The following PRKN variants were observed in gnomAD, a reference collection of about 807,000 sequenced individuals.
The protein encoded by PRKN is E3 ubiquitin-protein ligase parkin.
PRKN carries 56 observed loss-of-function variants against 59.5 expected under a neutral mutation model. The ratio of observed to expected loss-of-function variants is 0.94; its 90% CI spans 0.76 to 1.18. The LOEUF (loss-of-function observed/expected upper bound fraction) is 1.18. Among genes scored for constraint, PRKN ranks in the 50% most tolerant of loss-of-function variants. PRKN has a pLI of 0.00. For missense variants in PRKN, 657 were observed against 596.4 expected, an observed-to-expected ratio of 1.10 and a Z score of -1.06; for synonymous variants, 250 against 222.1, an observed-to-expected ratio of 1.13 and a Z score of -1.12.
At chr6:162,658,440 T>C (rs1778740933) in intron 1 of PRKN, among the ~76,000 whole-genome samples, 1 of 152,048 alleles carries the variant, frequency 6.6e-6, no homozygotes, top group African/African-American at 2.4e-5. Context: ...CGCGGGCAGA[T>C]CACCTGAGGT....
At chr6:162,084,528 G>A (rs1233139556) in intron 4 of PRKN, among the ~76,000 whole-genome samples, 1 of 151,974 alleles carries the variant, frequency 6.6e-6, no homozygotes, top group East Asian at 1.9e-4. Flanking sequence ...TTAAGAACAG[G>A]ACTTATAGGA....
rs1035766730 is a variant in PRKN at position 161,354,007 on chromosome 6, T to G, written c.1286-3796A>C. On this transcript the variant is annotated intron_variant, in intron 11 of 11. Transcript: ENST00000366898. This position sits in a 1 kb window ranked among gnomAD's most constrained non-coding sequence, Gnocchi z 6.7. ...AAGAAGCATGTTGTTTGTTCTACAC[T>G]TAGACCGAATGCCAAAAATTAATAC... 2.6e-5 allele frequency among the ~76,000 whole-genome samples: 4 copies of G among 152,202 alleles called. No homozygotes were observed. Among genetic ancestry groups the G allele is most frequent in the African/African-American group, 9.6e-5 (4 of 41,454 alleles).
chr6:161,365,297 T>C (rs1341994420), intron 10 of PRKN, among the ~76,000 whole-genome samples: 1 of 152,214 alleles, frequency 6.6e-6, no homozygotes, highest in East Asian at 1.9e-4. Context: ...TGCTAAACTC[T>C]AGAGTCTTAG....
rs1214283043 is a variant in PRKN at position 162,727,752 on chromosome 6, C to A, written c.-84G>T. On this transcript the variant is annotated 5_prime_UTR_variant, in exon 1 of 12. Transcript: ENST00000366898. The stretch of plus-strand genomic sequence containing the variant: ...AGCCGCGCCTCCCACCAGCGGCTCT[C>A]CTGGGTTAAATCCTCCAGGCCTCCC... 2.1e-6 allele frequency: 3 copies of A among 1,432,482 alleles called. No homozygotes were observed. Among genetic ancestry groups the A allele is most frequent in the Non-Finnish European group, 1.9e-6 (2 of 1,040,850 alleles). The allele number at this position is 1,432,482 out of a possible 1,614,324, so 88.7% of individuals were successfully genotyped here. A position where few individuals can be genotyped will look rare whatever the true frequency, so the allele number is the denominator to read the frequency against.
intron 7 of PRKN, among the ~76,000 whole-genome samples, chr6:161,679,062 A>G (rs1304611257): frequency 1.3e-5 from 2 of 152,114 alleles, no homozygotes; most frequent in African/African-American, 4.8e-5. Flanking sequence ...TAAATAGATT[A>G]TGCCAACCAG....
chr6:162,675,194 C>T (rs1341856938), intron 1 of PRKN, among the ~76,000 whole-genome samples: 1 of 151,906 alleles, frequency 6.6e-6, no homozygotes, highest in African/African-American at 2.4e-5. Context: ...ATTACAGGCA[C>T]GCACCACCAC....
chr6:162,582,439 A>C (rs746750129), intron 1 of PRKN, among the ~76,000 whole-genome samples: 3 of 152,200 alleles, frequency 2.0e-5, no homozygotes, highest in Non-Finnish European at 4.4e-5. Context: ...AAATATCCTG[A>C]TTATGGTGCC....
chr6:162,070,890 AG>A (rs1470863555), intron 4 of PRKN, among the ~76,000 whole-genome samples: 2 of 151,952 alleles, frequency 1.3e-5, no homozygotes, highest in African/African-American at 4.8e-5. Flanking sequence ...CTGCTGGCCC[AG>A]GGCTTGGGCA....
intron 6 of PRKN, among the ~76,000 whole-genome samples, chr6:161,830,769 T>C (rs1034583155): frequency 1.3e-5 from 2 of 152,224 alleles, no homozygotes; most frequent in African/African-American, 4.8e-5. Flanking sequence ...TTATGATTTT[T>C]TACTTATGAT....
chr6:162,469,536 ATAC>A (rs1197248007), intron 1 of PRKN, among the ~76,000 whole-genome samples: 1 of 151,982 alleles, frequency 6.6e-6, no homozygotes, highest in Non-Finnish European at 1.5e-5. Flanking sequence ...ACACATACAC[ATAC>A]TACTCAGCCA....
chr6:162,560,084 G>C (rs1339066327), intron 1 of PRKN, among the ~76,000 whole-genome samples: 4 of 152,138 alleles, frequency 2.6e-5, no homozygotes, highest in Non-Finnish European at 4.4e-5. Flanking sequence ...TGACAGAAGG[G>C]GATAAACATA....
chr6:162,460,225 G>A (rs151281159), intron 1 of PRKN, among the ~76,000 whole-genome samples: 110 of 152,280 alleles, frequency 7.2e-4, no homozygotes, highest in African/African-American at 2.6e-3. Context: ...CACAACCTGG[G>A]TGAACCTTGA....
At chr6:162,632,037 T>C (rs979436633) in intron 1 of PRKN, among the ~76,000 whole-genome samples, 1 of 151,238 alleles carries the variant, frequency 6.6e-6, no homozygotes, top group African/African-American at 2.4e-5. Flanking sequence ...GAAACGCTTA[T>C]ACACTTACAC....
intron 1 of PRKN, chr6:162,727,364 G>C (rs1014831413): frequency 2.1e-6 from 1 of 472,046 alleles, no homozygotes; most frequent in African/African-American, 2.1e-5. Context: ...ACACGGTCCG[G>C]GGGACCGCGA....
intron 1 of PRKN, among the ~76,000 whole-genome samples, chr6:162,507,763 C>A (rs1793671895): frequency 6.6e-6 from 1 of 152,150 alleles, no homozygotes; most frequent in Admixed American, 6.5e-5. Flanking sequence ...TGAGCTTCAA[C>A]AAGACGAAGA....
chr6:161,352,755 G>GTGTATATA lies in PRKN; in HGVS notation c.1286-2545_1286-2544insTATATACA, dbSNP rs766949960. 6.7e-3 allele frequency among the ~76,000 whole-genome samples: 901 copies of GTGTATATA among 134,348 alleles called. 10 individuals are homozygous for GTGTATATA. The highest frequency in any genetic ancestry group is 0.022 in the African/African-American group (802 of 35,762). The allele number at this position is 134,348 out of a possible 152,430, so 88.1% of individuals were successfully genotyped here. A position where few individuals can be genotyped will look rare whatever the true frequency, so the allele number is the denominator to read the frequency against. On this transcript the variant is annotated intron_variant, in intron 11 of 11. Coordinates refer to ENST00000366898, the MANE Select transcript of PRKN (RefSeq NM_004562.3). This position sits in a 1 kb window ranked among gnomAD's most constrained non-coding sequence, Gnocchi z 5.8. The stretch of plus-strand genomic sequence containing the variant: ...TGTGTGTGTGTGTGTGTGTGTGTGT[G>GTGTATATA]TATATATATATATATATTTTATTTT...
chr6:162,670,484 A>C (rs2128230088), intron 1 of PRKN, among the ~76,000 whole-genome samples: 1 of 152,320 alleles, frequency 6.6e-6, no homozygotes, highest in Admixed American at 6.5e-5. Context: ...ACATGGTCAC[A>C]AAACAGCCTT....
intron 2 of PRKN, among the ~76,000 whole-genome samples, chr6:162,321,550 C>CA (rs1783024891): frequency 6.6e-6 from 1 of 151,350 alleles, no homozygotes; most frequent in Non-Finnish European, 1.5e-5. Flanking sequence ...TACTTTGATA[C>CA]AAAAACAAGA....
At chr6:161,493,022 T>C (rs376492041) in intron 9 of PRKN, among the ~76,000 whole-genome samples, 2 of 152,234 alleles carry the variant, frequency 1.3e-5, no homozygotes, top group East Asian at 1.9e-4. Flanking sequence ...TATACATAGT[T>C]ATAAAACATA....
Sources: gnomAD v4.1 joint callset for allele counts (sites outside exome capture counted in the v4.1 genomes callset) on GRCh38, gnomAD v4.1.1 for gene constraint, Gnocchi (gnomAD v3.1) non-coding constraint, MANE v1.5 for transcripts, NCBI Gene and HGNC (gene_info 2026-07-23, HGNC 2026-07-21) for gene names.